FGF5: variants seen among roughly 807,000 people sequenced by gnomAD.
FGF5 encodes the protein fibroblast growth factor 5.
In FGF5, 23 loss-of-function variants were observed where a neutral mutation model predicts 21.8. That is an observed-to-expected ratio of 1.05 (90% CI 0.76 to 1.49). FGF5 has a LOEUF of 1.49. Ranked by LOEUF, FGF5 falls within the 40% of genes most tolerant of loss-of-function variation. The pLI is 0.00. For missense variants in FGF5, 352 were observed against 332.9 expected, an observed-to-expected ratio of 1.06 and a Z score of -0.45; for synonymous variants, 158 against 124.0, an observed-to-expected ratio of 1.27 and a Z score of -1.82.
chr4:80,267,214 G>A, intron 1 of FGF5, 35 bp downstream of exon 1: 1 of 1,528,288 alleles, frequency 6.5e-7, no homozygotes, highest in Non-Finnish European at 8.9e-7. Context: ...ACCCGTCCTA[G>A]GCGGCCGCGG....
rs1468061500 is a variant in FGF5 at position 80,275,023 on chromosome 4, C to G, written c.459+11C>G. ...AAACTCCATGCAAGTGTAAGTAGAA[C>G]CACTTTATATTTGTTAAAGGTGCTA... is the stretch of plus-strand genomic sequence containing the variant. On this transcript the variant is annotated intron_variant, in intron 2 of 2. Coordinates refer to ENST00000312465, the MANE Select transcript of FGF5 (RefSeq NM_004464.4). 8.2e-7 allele frequency: 1 copy of G among 1,224,898 alleles called. No individual in the cohort carries two copies. The highest frequency in any genetic ancestry group is 1.2e-6 in the Non-Finnish European group (1 of 843,890). The allele number at this position is 1,224,898 out of a possible 1,614,324, so 75.9% of individuals were successfully genotyped here.
Position 80,286,381 on chromosome 4 carries a change from T to C in FGF5, c.516T>C (p.Asn172=), listed in dbSNP as rs1355221380. The part of the protein sequence containing the change: ...FRERFQENSY[N]TYASAIHRTE... Reference sequence around the variant, plus strand: ...AGCGTTTTCAAGAAAATAGCTATAATACCTATGCCTCAGCAATACATAGAA... The same window carrying C: ...AGCGTTTTCAAGAAAATAGCTATAACACCTATGCCTCAGCAATACATAGAA... Residue 172 remains asparagine (N), a synonymous_variant, in exon 3 of 3, where the codon AAT becomes AAC. Coordinates refer to ENST00000312465, the MANE Select transcript of FGF5 (RefSeq NM_004464.4). 4 of 1,612,534 alleles carry C rather than the reference T, an allele frequency of 2.5e-6. No homozygotes were observed. The highest frequency in any genetic ancestry group is 2.7e-5 in the African/African-American group (2 of 74,778).
rs564432521 is a variant in FGF5 at position 80,267,770 on chromosome 4, T to TAGAC, written c.355+599_355+602dup. 3.5e-4 allele frequency among the ~76,000 whole-genome samples: 54 copies of TAGAC among 152,300 alleles called. No homozygotes were observed. The South Asian group carries it at 0.011, about 32-fold the overall frequency. On this transcript the variant is annotated intron_variant, in intron 1 of 2. Transcript: ENST00000312465. ...ATAGATAGATAGATACACAGATAGA[T>TAGAC]AGACAGACAGATAGATAACTAGGGG...
chr4:80,270,848 A>G (rs986051320), intron 1 of FGF5, among the ~76,000 whole-genome samples: 1 of 152,264 alleles, frequency 6.6e-6, no homozygotes, highest in African/African-American at 2.4e-5. Context: ...TTTTAAAAAA[A>G]TCTAAATTCA....
chr4:80,275,548 G>C (rs1451647044), intron 2 of FGF5, among the ~76,000 whole-genome samples: 1 of 151,772 alleles, frequency 6.6e-6, no homozygotes, highest in Non-Finnish European at 1.5e-5. Flanking sequence ...TTTTTATCTT[G>C]TATTTTTGTC....
intron 2 of FGF5, among the ~76,000 whole-genome samples, chr4:80,275,914 T>G (rs1720398415): frequency 6.6e-6 from 1 of 152,058 alleles, no homozygotes; most frequent in Non-Finnish European, 1.5e-5. Flanking sequence ...ATTAAATAAA[T>G]TATTGGAATA....
In FGF5 at chr4:80,286,287, G is replaced by A. The variant is rs762400133; in HGVS notation, c.460-38G>A. On this transcript the variant is annotated intron_variant, in intron 2 of 2. Transcript: ENST00000312465. ...TGTTTTATTACATGCTGAAAAGATC[G>A]CCACAACTTAAATTTCCTCTTTTTT... 14 of 1,400,520 alleles carry A rather than the reference G, an allele frequency of 1.0e-5. No homozygotes were observed. In the Middle Eastern group the frequency reaches 7.4e-4, roughly 74 times the overall value. The allele number at this position is 1,400,520 out of a possible 1,614,324, so 86.8% of individuals were successfully genotyped here. A position where few individuals can be genotyped will look rare whatever the true frequency, so the allele number is the denominator to read the frequency against.
chr4:80,276,896 T>C (rs1194203518), intron 2 of FGF5, among the ~76,000 whole-genome samples: 1 of 152,112 alleles, frequency 6.6e-6, no homozygotes, highest in African/African-American at 2.4e-5. Context: ...CTCATAATAG[T>C]ACACAGTGCA....
chr4:80,286,677 C>T lies in FGF5; in HGVS notation c.*5C>T. ...CTCAAGTTTCGCTTTGGATAATATT[C>T]CTCTTGGCCTTGTGAGAAACCATTC... On this transcript the variant is annotated 3_prime_UTR_variant, in exon 3 of 3. Transcript: ENST00000312465. 1 of 1,606,480 alleles carries T rather than the reference C, an allele frequency of 6.2e-7. No individual in the cohort carries two copies. Among genetic ancestry groups the T allele is most frequent in the Non-Finnish European group, 8.5e-7 (1 of 1,174,162 alleles).
intron 1 of FGF5, among the ~76,000 whole-genome samples, chr4:80,267,430 G>A (rs1720128335): frequency 6.6e-6 from 1 of 152,180 alleles, no homozygotes; most frequent in Non-Finnish European, 1.5e-5. Context: ...GTGCCCAGAC[G>A]GGTACCTTGT....
rs961865449 is a variant in FGF5, at chr4:80,290,495, G to C, written c.*3823G>C. 1.3e-5 allele frequency: 2 copies of C among 152,086 alleles called. No homozygotes were observed. The highest frequency in any genetic ancestry group is 4.8e-5 in the African/African-American group (2 of 41,408). The allele number at this position is 152,086 out of a possible 1,614,324, so 9.4% of individuals were successfully genotyped here. A position where few individuals can be genotyped will look rare whatever the true frequency, so the allele number is the denominator to read the frequency against. On this transcript the variant is annotated 3_prime_UTR_variant, in exon 3 of 3. Transcript: ENST00000312465. ...GGAACAAGATGCTGATCCAACCTGAGTGGAGTCAGGTGAGGCATCTTTACA... is the reference window on the plus strand; with the variant it reads ...GGAACAAGATGCTGATCCAACCTGACTGGAGTCAGGTGAGGCATCTTTACA...
chr4:80,286,793 C>G lies in FGF5; in HGVS notation c.*121C>G, dbSNP rs1336390255. ...AGCTATACTTACACTGTATTGAAGT[C>G]ACGTCATTTGTTTCAATGTGACTGA... On this transcript the variant is annotated 3_prime_UTR_variant, in exon 3 of 3. Transcript: ENST00000312465. The G allele has an allele frequency of 8.4e-6, 6 of 718,220 alleles. No individual in the cohort carries two copies. Among genetic ancestry groups the G allele is most frequent in the South Asian group, 2.0e-5 (1 of 50,092 alleles). The allele number at this position is 718,220 out of a possible 1,614,324, so 44.5% of individuals were successfully genotyped here. A position where few individuals can be genotyped will look rare whatever the true frequency, so the allele number is the denominator to read the frequency against.
In FGF5 at chr4:80,290,927, C is replaced by T. The variant is rs1339789045; in HGVS notation, c.*4255C>T. The T allele has an allele frequency of 3.3e-5, 5 of 152,114 alleles. No individual in the cohort carries two copies. The highest frequency in any genetic ancestry group is 9.7e-5 in the African/African-American group (4 of 41,434). The allele number at this position is 152,114 out of a possible 1,614,324, so 9.4% of individuals were successfully genotyped here. A position where few individuals can be genotyped will look rare whatever the true frequency, so the allele number is the denominator to read the frequency against. On this transcript the variant is annotated 3_prime_UTR_variant, in exon 3 of 3. Coordinates refer to ENST00000312465, the MANE Select transcript of FGF5 (RefSeq NM_004464.4). ...TGTATATGTGCCACATTTTCTTAAT[C>T]CAGTCTATCATTGTTGGACATTTGG...
At position 80,286,891 on chromosome 4, in the gene FGF5, A is replaced by G. The variant is rs963138937; in HGVS notation, c.*219A>G. On this transcript the variant is annotated 3_prime_UTR_variant, in exon 3 of 3. Coordinates refer to ENST00000312465, the MANE Select transcript of FGF5 (RefSeq NM_004464.4). ...TACAGGGAGCACACTCCTTCAGTTCAGCAAGACATAAAGCCTTTTGCTTTA... is the reference window on the plus strand; with the variant it reads ...TACAGGGAGCACACTCCTTCAGTTCGGCAAGACATAAAGCCTTTTGCTTTA... 1.0e-5 allele frequency: 5 copies of G among 491,726 alleles called. No homozygotes were observed. The Admixed American group carries it at 1.0e-4, about 10-fold the overall frequency. 30.5% of individuals were successfully genotyped at this position (491,726 alleles called of 1,614,324 possible).
intron 1 of FGF5, among the ~76,000 whole-genome samples, chr4:80,273,782 C>A (rs1175664981): frequency 1.3e-5 from 2 of 151,948 alleles, no homozygotes; most frequent in Non-Finnish European, 2.9e-5. Flanking sequence ...TGGTATCAGG[C>A]GATCCTTCAG....
chr4:80,271,634 G>A (rs931141462), intron 1 of FGF5, among the ~76,000 whole-genome samples: 9 of 152,176 alleles, frequency 5.9e-5, no homozygotes, highest in Non-Finnish European at 8.8e-5. Context: ...GAGAGGTAGT[G>A]AGAGGATCAA....
intron 2 of FGF5, among the ~76,000 whole-genome samples, chr4:80,276,833 T>C (rs184912033): frequency 6.6e-6 from 1 of 152,208 alleles, no homozygotes; most frequent in East Asian, 1.9e-4. Context: ...GGAATAACTT[T>C]TCCTCAGTCT....
intron 1 of FGF5, among the ~76,000 whole-genome samples, chr4:80,270,933 T>C (rs1247160774): frequency 6.6e-6 from 1 of 152,206 alleles, no homozygotes; most frequent in Non-Finnish European, 1.5e-5. Flanking sequence ...ATATCTACTA[T>C]GCAGAAAAAT....
At position 80,286,395 on chromosome 4, in the gene FGF5, C is replaced by A. The variant is rs1720719785; in HGVS notation, c.530C>A (p.Ala177Glu). 3 of 1,613,722 alleles carry A rather than the reference C, an allele frequency of 1.9e-6. No individual in the cohort carries two copies. In the East Asian group the frequency reaches 6.7e-5, roughly 36 times the overall value. Residue 177 changes from alanine (A) to glutamate (E), a missense_variant, in exon 3 of 3, where the codon GCA (alanine) becomes GAA (glutamate). Physicochemically the swap from Ala to Glu is moderately radical, Grantham distance 107 (BLOSUM62 -1). Coordinates refer to ENST00000312465, the MANE Select transcript of FGF5 (RefSeq NM_004464.4). The stretch of plus-strand genomic sequence containing the variant: ...AATAGCTATAATACCTATGCCTCAG[C>A]AATACATAGAACTGAAAAAACAGGG... ...QENSYNTYAS[A>E]IHRTEKTGRE...
Sources: allele counts gnomAD v4.1 joint callset (sites outside exome capture counted in the v4.1 genomes callset), GRCh38; gene constraint gnomAD v4.1.1; transcripts MANE v1.5; gene names NCBI Gene and HGNC (gene_info 2026-07-23, HGNC 2026-07-21).